EPM2A: variants seen among roughly 807,000 people sequenced by gnomAD.
EPM2A encodes laforin.
Under a neutral mutation model 26.5 loss-of-function variants are expected in EPM2A, and 21 were observed. The observed-to-expected ratio is 0.79, with a 90% CI of 0.56 to 1.14. The LOEUF (loss-of-function observed/expected upper bound fraction) is 1.14, where lower values mean the gene tolerates loss of function less well. EPM2A is among the 50% of genes most tolerant of loss of function. The pLI is 0.00. For missense variants in EPM2A, 458 were observed against 440.8 expected (o/e 1.04, Z -0.35); for synonymous variants, 217 against 177.6 (o/e 1.22, Z -1.76).
At chr6:145,724,356 A>T (rs1333303415) in intron 1 of EPM2A, among the ~76,000 whole-genome samples, 2 of 152,106 alleles carry the variant, frequency 1.3e-5, no homozygotes, top group Admixed American at 6.6e-5. Context: ...GCATACCAAA[A>T]ACCCTTATGT....
intron 4 of EPM2A, among the ~76,000 whole-genome samples, chr6:145,453,201 C>T (rs1036062705): frequency 1.3e-5 from 2 of 152,198 alleles, no homozygotes; most frequent in East Asian, 3.9e-4. Flanking sequence ...CCCAGAACAG[C>T]GTAATGTCAT....
At chr6:145,598,207 C>T (rs1004066737) in intron 2 of EPM2A, among the ~76,000 whole-genome samples, 9 of 152,074 alleles carry the variant, frequency 5.9e-5, no homozygotes, top group African/African-American at 2.2e-4. Flanking sequence ...ATAAGTGTTC[C>T]CTTTTCTCTA....
rs200635995 is a variant in EPM2A at position 145,627,622 on chromosome 6, C to T, written c.790G>A (p.Val264Met). The change falls in exon 4 of 4, where the codon GTG (valine) becomes ATG (methionine). Residue 264 changes from valine to methionine, a missense_variant. Transcript: ENST00000367519. ...CGGCCCACCCCAGCGTTGCAGTGCA[C>T]GTACACGATGTGTCCCTTCTCCAGC... ...ALLEKGHIVY[V>M]HCNAGVGRST... 2.5e-5 allele frequency: 40 copies of T among 1,614,096 alleles called. No homozygotes were observed. Among genetic ancestry groups the T allele is most frequent in the African/African-American group, 4.0e-5 (3 of 74,948 alleles).
chr6:145,646,258 AC>A (rs1437548138), intron 2 of EPM2A, among the ~76,000 whole-genome samples: 1 of 151,408 alleles, frequency 6.6e-6, no homozygotes, highest in East Asian at 1.9e-4. Flanking sequence ...CTGAATTTAA[AC>A]AATTCTCCTG....
intron 4 of EPM2A, among the ~76,000 whole-genome samples, chr6:145,481,027 G>C (rs1469194578): frequency 1.3e-5 from 2 of 152,008 alleles, no homozygotes; most frequent in African/African-American, 4.8e-5. Context: ...TTGTGAGCTG[G>C]GAACAATCTA....
At chr6:145,490,878 T>C (rs1779746126) in intron 4 of EPM2A, 1 of 689,250 alleles carries the variant, frequency 1.5e-6, no homozygotes, top group Admixed American at 1.9e-5. Flanking sequence ...TGATACTTGC[T>C]GGTAATATCT....
chr6:145,550,456 C>G (rs553689849), intron 2 of EPM2A, among the ~76,000 whole-genome samples: 11 of 151,976 alleles, frequency 7.2e-5, no homozygotes, highest in Non-Finnish European at 1.5e-4. Flanking sequence ...AATTTGTACA[C>G]CTCTTAGTCT....
intron 2 of EPM2A, among the ~76,000 whole-genome samples, chr6:145,514,768 C>T (rs1392611268): frequency 6.6e-6 from 1 of 152,210 alleles, no homozygotes; most frequent in African/African-American, 2.4e-5. Context: ...ACTCGACAGT[C>T]TCTCTCCACA....
intron 2 of EPM2A, among the ~76,000 whole-genome samples, chr6:145,675,638 A>G (rs1364089744): frequency 6.6e-6 from 1 of 152,226 alleles, no homozygotes; most frequent in Non-Finnish European, 1.5e-5. Context: ...TTGCAATCCT[A>G]GTCACCAATA....
At chr6:145,624,306 G>A (rs117930234), downstream of EPM2A, among the ~76,000 whole-genome samples, 258 of 152,092 alleles carry the variant, frequency 1.7e-3, no homozygotes, top group Non-Finnish European at 2.5e-3. Context: ...ACACCTTCTC[G>A]CTCTCACCAC....
At chr6:145,670,903 CA>C (rs1417295583) in intron 2 of EPM2A, 1 of 985,128 alleles carries the variant, frequency 1.0e-6, no homozygotes, top group African/African-American at 1.7e-5. Context: ...CAATAAAAAT[CA>C]TTCCCCAGTC....
intron 4 of EPM2A, among the ~76,000 whole-genome samples, chr6:145,428,255 A>G (rs1778877511): frequency 6.6e-6 from 1 of 151,912 alleles, no homozygotes. Flanking sequence ...TATTATCTGT[A>G]TCTTTTATAA....
intron 2 of EPM2A, among the ~76,000 whole-genome samples, chr6:145,654,474 T>C (rs1778115253): frequency 6.6e-6 from 1 of 152,188 alleles, no homozygotes; most frequent in African/African-American, 2.4e-5. Context: ...AAAAACATAC[T>C]AATTTCACTT....
At chr6:145,715,880 A>G (rs987214665) in intron 1 of EPM2A, among the ~76,000 whole-genome samples, 5 of 152,220 alleles carry the variant, frequency 3.3e-5, no homozygotes, top group African/African-American at 1.2e-4. Flanking sequence ...GGTGAGTTGT[A>G]TAATTATTTC....
At chr6:145,541,973 A>C (rs970172587) in intron 2 of EPM2A, among the ~76,000 whole-genome samples, 3 of 148,294 alleles carry the variant, frequency 2.0e-5, no homozygotes, top group African/African-American at 7.4e-5. Flanking sequence ...GATGATGCTT[A>C]AAAAAAAAAG....
At chr6:145,427,208 T>C (rs1249813662) in intron 4 of EPM2A, among the ~76,000 whole-genome samples, 1 of 152,246 alleles carries the variant, frequency 6.6e-6, no homozygotes, top group Admixed American at 6.5e-5. Context: ...GCTAACATAA[T>C]ATTGTTTTTA....
chr6:145,441,811 G>A (rs948736706), intron 4 of EPM2A, among the ~76,000 whole-genome samples: 3 of 152,282 alleles, frequency 2.0e-5, no homozygotes, highest in African/African-American at 4.8e-5. Flanking sequence ...GCAGTGAGCC[G>A]AGATTGCACC....
At chr6:145,702,479 A>AAAAG (rs1781973445) in intron 1 of EPM2A, among the ~76,000 whole-genome samples, 1 of 152,188 alleles carries the variant, frequency 6.6e-6, no homozygotes, top group African/African-American at 2.4e-5. Flanking sequence ...AAAAGAAGAA[A>AAAAG]AAAAGAAAAA....
At chr6:145,536,576 T>C (rs1780435174) in intron 2 of EPM2A, among the ~76,000 whole-genome samples, 1 of 151,490 alleles carries the variant, frequency 6.6e-6, no homozygotes, top group Non-Finnish European at 1.5e-5. Flanking sequence ...GGATTACAGG[T>C]GTGAGCCACT....
Sources: allele counts gnomAD v4.1 joint callset (sites outside exome capture counted in the v4.1 genomes callset), GRCh38; gene constraint gnomAD v4.1.1; transcripts MANE v1.5; gene names NCBI Gene and HGNC (gene_info 2026-07-23, HGNC 2026-07-21).